Variants in LCORL observed in about 807,000 individuals in gnomAD.
The protein encoded by LCORL is ligand dependent nuclear receptor corepressor like, also known as ligand-dependent nuclear receptor corepressor-like protein.
A neutral mutation model predicts 141.8 loss-of-function variants in LCORL; 41 were observed. The observed-to-expected ratio is 0.29, with a 90% confidence interval of 0.23 to 0.38. The LOEUF (loss-of-function observed/expected upper bound fraction) is 0.38. LCORL is among the 10% of genes least tolerant of loss of function. The probability of loss-of-function intolerance (pLI) is 1.00; values close to 1 mark genes in which losing one functional copy is unlikely to be tolerated. For synonymous variants in LCORL, 618 were observed against 694.1 expected (o/e 0.89, Z 1.72); for missense variants, 1,759 against 2,035.0 (o/e 0.86, Z 2.61).
chr4:17,870,246 G>A (rs1215557911), intron 7 of LCORL, among the ~76,000 whole-genome samples: 1 of 152,150 alleles, frequency 6.6e-6, no homozygotes, highest in South Asian at 2.1e-4. Context: ...CAAGCAAGGT[G>A]TGGGCTACCA....
intron 7 of LCORL, among the ~76,000 whole-genome samples, chr4:17,858,432 T>G (rs111679343): frequency 8.6e-5 from 13 of 151,996 alleles, no homozygotes; most frequent in African/African-American, 3.1e-4. Context: ...AGAAATACAT[T>G]TAAAGAAATT....
chr4:18,015,441 A>C (rs1266880106), intron 1 of LCORL, among the ~76,000 whole-genome samples: 1 of 152,194 alleles, frequency 6.6e-6, no homozygotes, highest in South Asian at 2.1e-4. Flanking sequence ...GAACTTCAAA[A>C]TTTGCATGCA....
intron 2 of LCORL, among the ~76,000 whole-genome samples, chr4:17,964,811 T>C (rs954296562): frequency 1.3e-5 from 2 of 151,714 alleles, no homozygotes; most frequent in Non-Finnish European, 2.9e-5. Context: ...GCCAAAAACA[T>C]GATTCCTATG....
At chr4:17,847,865 T>C (rs1172105287) in intron 7 of LCORL, among the ~76,000 whole-genome samples, 1 of 152,168 alleles carries the variant, frequency 6.6e-6, no homozygotes, top group Non-Finnish European at 1.5e-5. Context: ...AGGCAAGCTA[T>C]AAAAACACAA....
intron 7 of LCORL, among the ~76,000 whole-genome samples, chr4:17,865,463 G>A (rs1448641520): frequency 6.6e-6 from 1 of 152,064 alleles, no homozygotes; most frequent in African/African-American, 2.4e-5. Flanking sequence ...CAAAGTGTTG[G>A]AATTACAGGC....
chr4:17,851,579 ATTGATT>A (rs2109102232), intron 7 of LCORL, among the ~76,000 whole-genome samples: 1 of 152,316 alleles, frequency 6.6e-6, no homozygotes, highest in Non-Finnish European at 1.5e-5. Flanking sequence ...ATAAATCTTA[ATTGATT>A]TTATCAGTCC....
chr4:17,944,635 A>G (rs1205654255), intron 4 of LCORL, among the ~76,000 whole-genome samples: 3 of 152,094 alleles, frequency 2.0e-5, no homozygotes, highest in Non-Finnish European at 4.4e-5. Context: ...TCCTAGCCCC[A>G]GCCATGCAAA....
At chr4:17,852,024 T>C (rs1003926487) in intron 7 of LCORL, among the ~76,000 whole-genome samples, 4 of 152,202 alleles carry the variant, frequency 2.6e-5, no homozygotes, top group East Asian at 1.9e-4. Flanking sequence ...CTTTGTTCTA[T>C]AGTGATTTGT....
chr4:17,909,182 C>T (rs1050743359), exon 5 of LCORL: 1 of 1,613,222 alleles, frequency 6.2e-7, no homozygotes, highest in African/African-American at 1.3e-5. Context: ...CTGCTTGATT[C>T]ATTTGGATAC....
At chr4:17,936,024 A>G (rs1736797000) in intron 4 of LCORL, among the ~76,000 whole-genome samples, 3 of 152,200 alleles carry the variant, frequency 2.0e-5, no homozygotes, top group Non-Finnish European at 4.4e-5. Flanking sequence ...AACTTACAAG[A>G]GTAAACTATT....
intron 1 of LCORL, among the ~76,000 whole-genome samples, chr4:18,014,505 G>A (rs770954401): frequency 5.3e-5 from 8 of 152,044 alleles, no homozygotes; most frequent in Non-Finnish European, 8.8e-5. Context: ...TTGAATCCAT[G>A]AGATACTGTA....
chr4:17,895,691 G>C (rs1260143432), intron 5 of LCORL, among the ~76,000 whole-genome samples: 1 of 152,132 alleles, frequency 6.6e-6, no homozygotes, highest in African/African-American at 2.4e-5. Flanking sequence ...GCACCCTTGG[G>C]CGACTGCTCT....
chr4:17,905,345 G>C (rs1447424068), intron 5 of LCORL, among the ~76,000 whole-genome samples: 4 of 151,768 alleles, frequency 2.6e-5, no homozygotes, highest in African/African-American at 7.3e-5. Flanking sequence ...TTTTAATTTA[G>C]AAAATTAAGA....
chr4:17,877,487 G>A, exon 7 of LCORL: 1 of 1,229,822 alleles, frequency 8.1e-7, no homozygotes, highest in Non-Finnish European at 1.0e-6. Context: ...AAGAGTTACT[G>A]GATTTTTTAG....
intron 1 of LCORL, among the ~76,000 whole-genome samples, chr4:17,976,688 TC>T (rs1190707205): frequency 1.3e-5 from 2 of 152,188 alleles, no homozygotes; most frequent in African/African-American, 4.8e-5. Flanking sequence ...CTACCATTTT[TC>T]CTAAAAGACA....
intron 4 of LCORL, among the ~76,000 whole-genome samples, chr4:17,926,316 G>A (rs1315750831): frequency 6.6e-6 from 1 of 152,140 alleles, no homozygotes; most frequent in African/African-American, 2.4e-5. Flanking sequence ...AATCTTGGTG[G>A]GCACCATATA....
At chr4:17,918,263 A>G (rs936501664) in intron 4 of LCORL, among the ~76,000 whole-genome samples, 17 of 152,210 alleles carry the variant, frequency 1.1e-4, no homozygotes, top group African/African-American at 3.9e-4. Context: ...TCCTGTTATC[A>G]CGCTGTATTA....
intron 1 of LCORL, among the ~76,000 whole-genome samples, chr4:17,990,102 T>G (rs1719704441): frequency 6.7e-6 from 1 of 149,656 alleles, no homozygotes; most frequent in Non-Finnish European, 1.5e-5. Flanking sequence ...CTGCGTTTTT[T>G]TTTTTTTTTT....
intron 7 of LCORL, among the ~76,000 whole-genome samples, chr4:17,848,237 A>G (rs1723170239): frequency 6.6e-6 from 1 of 152,188 alleles, no homozygotes; most frequent in Non-Finnish European, 1.5e-5. Context: ...TACTTAAAAA[A>G]CAGTGGATAT....
Sources: gnomAD v4.1 joint callset for allele counts (sites outside exome capture counted in the v4.1 genomes callset) on GRCh38, gnomAD v4.1.1 for gene constraint, MANE v1.5 for transcripts, NCBI Gene and HGNC (gene_info 2026-07-23, HGNC 2026-07-21) for gene names.